Variants in ZNF654 observed in about 807,000 individuals in gnomAD.
ZNF654 encodes the protein melanoma-associated antigen.
ZNF654 carries 19 observed loss-of-function variants against 95.3 expected under a neutral mutation model. The ratio of observed to expected loss-of-function variants is 0.20; its 90% confidence interval spans 0.14 to 0.29. The LOEUF is 0.29. Ranked by LOEUF, ZNF654 falls within the 10% of genes least tolerant of loss-of-function variation. The probability of loss-of-function intolerance (pLI) is 1.00; values close to 1 mark genes in which losing one functional copy is unlikely to be tolerated. For missense variants in ZNF654, 1,046 were observed against 1,341.0 expected, an observed-to-expected ratio of 0.78 and a Z score of 3.44; for synonymous variants, 413 against 457.9, an observed-to-expected ratio of 0.90 and a Z score of 1.25.
intron 2 of ZNF654, among the ~76,000 whole-genome samples, chr3:88,092,383 T>C (rs1266933062): frequency 2.0e-5 from 3 of 152,170 alleles, no homozygotes; most frequent in South Asian, 2.1e-4. Context: ...CAAGCAGTTA[T>C]ACTTTTATAT....
At chr3:88,127,704 G>A (rs1460373734) in intron 4 of ZNF654, among the ~76,000 whole-genome samples, 2 of 152,128 alleles carry the variant, frequency 1.3e-5, no homozygotes, top group Non-Finnish European at 2.9e-5. Flanking sequence ...CCTGTTGTTC[G>A]TTCGTCTGAG....
intron 2 of ZNF654, among the ~76,000 whole-genome samples, chr3:88,088,761 T>TGG (rs1559701696): frequency 0.26 from 33,323 of 126,110 alleles, 4,469 homozygotes; most frequent in South Asian, 0.37. Context: ...TGTATGTATG[T>TGG]ATGGATGGAT....
chr3:88,082,667 C>G (rs185176162), intron 1 of ZNF654, among the ~76,000 whole-genome samples: 2 of 152,216 alleles, frequency 1.3e-5, no homozygotes, highest in Admixed American at 1.3e-4. Context: ...ATATGAAGAT[C>G]ATTGTTTGCT....
chr3:88,122,878 T>TG (rs1705856536), intron 3 of ZNF654, among the ~76,000 whole-genome samples: 1 of 151,448 alleles, frequency 6.6e-6, no homozygotes. Flanking sequence ...GGCATGGTGG[T>TG]GGGCGCCTGT....
intron 3 of ZNF654, 63 bp from the exon 4 acceptor site, chr3:88,126,071 A>G: frequency 7.3e-7 from 1 of 1,364,430 alleles, no homozygotes; most frequent in South Asian, 1.8e-5. Context: ...ATTGACAATG[A>G]TGATCAAGTT....
rs972256062 is a variant in ZNF654, at chr3:88,059,284, C to T, written c.-36C>T. 5.2e-6 allele frequency: 8 copies of T among 1,532,064 alleles called. No homozygotes were observed. The Admixed American group carries it at 9.9e-5, about 19-fold the overall frequency. The allele number at this position is 1,532,064 out of a possible 1,614,324, so 94.9% of individuals were successfully genotyped here. A position where few individuals can be genotyped will look rare whatever the true frequency, so the allele number is the denominator to read the frequency against. On this transcript the variant is annotated 5_prime_UTR_variant, in exon 1 of 9. Coordinates refer to ENST00000636215, the MANE Select transcript of ZNF654 (RefSeq NM_001350134.2). ...TAGGCATCTACGGCGGCGGCGGCGG[C>T]GCAGGGGCTGGTACGCGCTGGGCGG... is the stretch of plus-strand genomic sequence containing the variant.
chr3:88,089,661 G>A (rs1163347942), intron 2 of ZNF654, among the ~76,000 whole-genome samples: 1 of 151,992 alleles, frequency 6.6e-6, no homozygotes, highest in Non-Finnish European at 1.5e-5. Context: ...TTCTTTCAGG[G>A]CTGTTGACAG....
At chr3:88,120,176 C>T (rs1705681598) in intron 3 of ZNF654, among the ~76,000 whole-genome samples, 1 of 151,964 alleles carries the variant, frequency 6.6e-6, no homozygotes. Context: ...CCTTATTTTA[C>T]ATATCTGAAA....
rs1707230828 is a variant in ZNF654 at position 88,143,680 on chromosome 3, T to G, written c.*2028T>G. 6.6e-6 allele frequency: 1 copy of G among 152,348 alleles called. No individual in the cohort carries two copies. The highest frequency in any genetic ancestry group is 2.4e-5 in the African/African-American group (1 of 41,438). 9.4% of individuals were successfully genotyped at this position (152,348 alleles called of 1,614,324 possible). ...TCATGCCAAGATGTTTCAAATATAT[T>G]CCATTTGTAATCTGTCTTTAACTTG... On this transcript the variant is annotated 3_prime_UTR_variant, in exon 9 of 9. Transcript: ENST00000636215.
chr3:88,130,555 A>AT (rs929257496), intron 6 of ZNF654, among the ~76,000 whole-genome samples: 4 of 149,432 alleles, frequency 2.7e-5, no homozygotes, highest in African/African-American at 9.9e-5. Context: ...GGCTCAAGTG[A>AT]TTTTCCCGCC....
At chr3:88,084,029 C>G (rs188756218) in intron 1 of ZNF654, among the ~76,000 whole-genome samples, 1 of 151,714 alleles carries the variant, frequency 6.6e-6, no homozygotes, top group Admixed American at 6.6e-5. Flanking sequence ...GTGCCTGACA[C>G]GACATTAAAC....
chr3:88,086,463 T>C (rs1189133769), intron 2 of ZNF654, 61 bp downstream of exon 2: 3 of 1,317,090 alleles, frequency 2.3e-6, no homozygotes, highest in Non-Finnish European at 3.0e-6. Flanking sequence ...AGAATTTGTT[T>C]TTGATAATTT....
chr3:88,143,553 A>G lies in ZNF654; in HGVS notation c.*1901A>G, dbSNP rs1214777720. The G allele has an allele frequency of 1.4e-4, 21 of 152,310 alleles. No individual in the cohort carries two copies. The highest frequency in any genetic ancestry group is 8.9e-5 in the Non-Finnish European group (6 of 67,766). The allele number at this position is 152,310 out of a possible 1,614,324, so 9.4% of individuals were successfully genotyped here. ...GTCTTTTGAAATATTTCTGCTTTGT[A>G]CATTTTCCAGAAGTTTAATATTTTA... On this transcript the variant is annotated 3_prime_UTR_variant, in exon 9 of 9. Transcript: ENST00000636215.
chr3:88,108,705 T>G (rs1444920597), intron 2 of ZNF654, among the ~76,000 whole-genome samples: 1 of 152,168 alleles, frequency 6.6e-6, no homozygotes, highest in Non-Finnish European at 1.5e-5. Flanking sequence ...GTGCTTGTGT[T>G]CAGGTAACCC....
intron 1 of ZNF654, among the ~76,000 whole-genome samples, chr3:88,061,051 G>C (rs1486611140): frequency 5.9e-5 from 9 of 151,864 alleles, no homozygotes; most frequent in Admixed American, 2.0e-4. Flanking sequence ...TTTGATAATT[G>C]GCATTCACTG....
chr3:88,090,045 A>G (rs536624122), intron 2 of ZNF654, among the ~76,000 whole-genome samples: 127 of 152,338 alleles, frequency 8.3e-4, no homozygotes, highest in Middle Eastern at 3.4e-3. Context: ...AGTATAGCAT[A>G]TAGAATTATA....
chr3:88,138,805 C>T lies in ZNF654; in HGVS notation c.1136C>T (p.Thr379Ile). 1 of 1,231,982 alleles carries T rather than the reference C, an allele frequency of 8.1e-7. No homozygotes were observed. The highest frequency in any genetic ancestry group is 1.0e-6 in the Non-Finnish European group (1 of 987,894). 76.3% of individuals were successfully genotyped at this position (1,231,982 alleles called of 1,614,324 possible). ...AAAACTAAATGTCTAATTTATAAAA[C>T]AATTGCACATTTTTTGCCAAATGAT... ...DPKTKCLIYK[T>I]IAHFLPNDLE... The change falls in exon 8 of 9, where the codon ACA (threonine) becomes ATA (isoleucine). Residue 379 changes from threonine to isoleucine, a missense_variant. Thr to Ile is a moderately conservative substitution (Grantham distance 89, BLOSUM62 -1). Around this residue, in one of 9 missense-constraint regions of ZNF654, gnomAD observed 78 missense variants for 154.2 expected, o/e 0.51. Coordinates refer to ENST00000636215, the MANE Select transcript of ZNF654 (RefSeq NM_001350134.2).
chr3:88,110,321 C>T (rs1705011751), intron 2 of ZNF654, among the ~76,000 whole-genome samples: 1 of 152,104 alleles, frequency 6.6e-6, no homozygotes. Flanking sequence ...TATAGGCTGT[C>T]TGCCTATAAT....
chr3:88,079,359 C>A lies in ZNF654; in HGVS notation c.187-6898C>A, dbSNP rs1182567689. ...ATAGTTAAAATGGATGAAAGGATAG[C>A]AGATATTTAATCTAGGAAGAGACTA... On this transcript the variant is annotated intron_variant, in intron 1 of 8. Transcript: ENST00000636215. Among the ~76,000 whole-genome samples the A allele has an allele frequency of 5.3e-5, 8 of 151,994 alleles. No individual in the cohort carries two copies. The South Asian group carries it at 1.4e-3, about 28-fold the overall frequency.
Sources: allele counts gnomAD v4.1 joint callset (sites outside exome capture counted in the v4.1 genomes callset), GRCh38; gene constraint gnomAD v4.1.1; regional missense constraint gnomAD v4.1.1; transcripts MANE v1.5; gene names NCBI Gene and HGNC (gene_info 2026-07-23, HGNC 2026-07-21).